RUNDC3B: variants seen among roughly 807,000 people sequenced by gnomAD.
RUNDC3B encodes RUN domain-containing protein 3B.
RUNDC3B carries 33 observed loss-of-function variants against 58.4 expected under a neutral mutation model. The ratio of observed to expected loss-of-function variants is 0.56; its 90% CI spans 0.43 to 0.75. RUNDC3B has a LOEUF of 0.75. RUNDC3B is among the 30% of genes least tolerant of loss of function. RUNDC3B has a pLI of 0.00. For missense variants in RUNDC3B, 501 were observed against 535.7 expected, an observed-to-expected ratio of 0.94 and a Z score of 0.64; for synonymous variants, 193 against 195.2, an observed-to-expected ratio of 0.99 and a Z score of 0.10.
chr7:87,680,719 TG>T (rs1486876878), intron 2 of RUNDC3B, among the ~76,000 whole-genome samples: 1 of 149,756 alleles, frequency 6.7e-6, no homozygotes, highest in Non-Finnish European at 1.5e-5. Context: ...CACTTGAACC[TG>T]GGAGGCGGAG....
intron 2 of RUNDC3B, among the ~76,000 whole-genome samples, chr7:87,660,014 T>C (rs1824525383): frequency 6.6e-6 from 1 of 152,166 alleles, no homozygotes. Context: ...GATTTCGGTT[T>C]GATAACATTT....
intron 4 of RUNDC3B, among the ~76,000 whole-genome samples, chr7:87,714,927 C>T (rs949767816): frequency 3.9e-5 from 6 of 152,002 alleles, no homozygotes; most frequent in South Asian, 4.1e-4. Context: ...AAGCACGTCA[C>T]GCGCTGTTGG....
intron 9 of RUNDC3B, among the ~76,000 whole-genome samples, chr7:87,809,988 A>C (rs760009275): frequency 2.6e-5 from 4 of 152,226 alleles, no homozygotes; most frequent in Admixed American, 1.3e-4. Flanking sequence ...CTTTTTAATA[A>C]GGAACATTAG....
At chr7:87,663,959 C>T (rs1824969647) in intron 2 of RUNDC3B, among the ~76,000 whole-genome samples, 1 of 152,080 alleles carries the variant, frequency 6.6e-6, no homozygotes, top group East Asian at 1.9e-4. Context: ...CCTCATTTCA[C>T]CTTAATTAAC....
chr7:87,700,702 C>T lies in RUNDC3B; in HGVS notation c.372+148C>T, dbSNP rs528361702. On this transcript the variant is annotated intron_variant, in intron 3 of 10. Transcript: ENST00000394654. ...CCTGTTCTGTGATGTTTCTACATTT[C>T]TTGAATTATCTAAACTAGTGGCTCT... The T allele has an allele frequency of 4.0e-4, 267 of 675,468 alleles. 1 individual carries two copies. The highest frequency in any genetic ancestry group is 5.9e-4 in the Non-Finnish European group (248 of 422,090). The allele number at this position is 675,468 out of a possible 1,614,324, so 41.8% of individuals were successfully genotyped here. A position where few individuals can be genotyped will look rare whatever the true frequency, so the allele number is the denominator to read the frequency against.
At position 87,657,921 on chromosome 7, in the gene RUNDC3B, A is replaced by G. The variant is rs1169699880; in HGVS notation, c.238+6984A>G. ...CCCTCCCACCTTCCCCTGTGGGAGCAGTGTCACAAAAAGCTAGTTAAAACA... is the reference window on the plus strand; with the variant it reads ...CCCTCCCACCTTCCCCTGTGGGAGCGGTGTCACAAAAAGCTAGTTAAAACA... On this transcript the variant is annotated intron_variant, in intron 2 of 10. Transcript: ENST00000394654. Among the ~76,000 whole-genome samples, 7 of 152,296 alleles carry G rather than the reference A, an allele frequency of 4.6e-5. No homozygotes were observed. In the East Asian group the frequency reaches 7.7e-4, roughly 17 times the overall value.
At chr7:87,668,681 G>T (rs778765881) in intron 2 of RUNDC3B, among the ~76,000 whole-genome samples, 2 of 151,510 alleles carry the variant, frequency 1.3e-5, no homozygotes, top group East Asian at 3.9e-4. Context: ...TTGTATTTTT[G>T]TTCTCATTAT....
chr7:87,773,967 C>T (rs563852844), intron 7 of RUNDC3B, among the ~76,000 whole-genome samples: 17 of 152,078 alleles, frequency 1.1e-4, no homozygotes, highest in Non-Finnish European at 1.5e-5. Context: ...CATGAGCCAC[C>T]GCACCCGGCC....
chr7:87,694,079 CCTT>C, intron 2 of RUNDC3B: 1 of 1,512,216 alleles, frequency 6.6e-7, no homozygotes. Context: ...TTTTGTAAAG[CCTT>C]CTTTTTTGTG....
chr7:87,632,976 G>A (rs563427961), intron 1 of RUNDC3B, among the ~76,000 whole-genome samples: 3 of 152,300 alleles, frequency 2.0e-5, no homozygotes, highest in African/African-American at 7.2e-5. Flanking sequence ...GGAGTAGTGT[G>A]ATAAGCACGG....
At chr7:87,767,349 C>T (rs2052699236) in intron 6 of RUNDC3B, among the ~76,000 whole-genome samples, 1 of 152,198 alleles carries the variant, frequency 6.6e-6, no homozygotes, top group Non-Finnish European at 1.5e-5. Context: ...TCCTTCTAAT[C>T]TGAGGAAGCT....
chr7:87,657,680 G>A (rs1489701615), intron 2 of RUNDC3B, among the ~76,000 whole-genome samples: 2 of 152,224 alleles, frequency 1.3e-5, no homozygotes, highest in South Asian at 2.1e-4. Context: ...GCCATACTGG[G>A]GTGGGGTCAG....
At chr7:87,711,904 C>T (rs1402454123) in intron 4 of RUNDC3B, among the ~76,000 whole-genome samples, 2 of 152,106 alleles carry the variant, frequency 1.3e-5, no homozygotes, top group African/African-American at 2.4e-5. Context: ...ATAATTACAA[C>T]TATAAACTAG....
rs554348658 is a variant in RUNDC3B at position 87,684,330 on chromosome 7, T to G, written c.239-16091T>G. On this transcript the variant is annotated intron_variant, in intron 2 of 10. Transcript: ENST00000394654. Reference sequence around the variant, plus strand: ...CTTTTTTTGTAGATATAAAACTTACTCTAAAATTTATATGTCTAGGCAAAG... The same window carrying G: ...CTTTTTTTGTAGATATAAAACTTACGCTAAAATTTATATGTCTAGGCAAAG... Among the ~76,000 whole-genome samples, 6 of 152,330 alleles carry G rather than the reference T, an allele frequency of 3.9e-5. No individual in the cohort carries two copies. The East Asian group carries it at 1.2e-3, about 29-fold the overall frequency.
chr7:87,654,184 A>T (rs1262350848), intron 2 of RUNDC3B, among the ~76,000 whole-genome samples: 2 of 152,146 alleles, frequency 1.3e-5, no homozygotes, highest in East Asian at 3.9e-4. Flanking sequence ...GGTTCACTGA[A>T]ATCTCCACCA....
intron 7 of RUNDC3B, 35 bp downstream of exon 7, chr7:87,770,784 T>C (rs1160698287): frequency 3.4e-6 from 5 of 1,466,790 alleles, no homozygotes; most frequent in Admixed American, 3.7e-5. Context: ...CTTAATTTTA[T>C]TCTAGTTATT....
chr7:87,701,013 G>A (rs1251348468), intron 3 of RUNDC3B, among the ~76,000 whole-genome samples: 1 of 152,136 alleles, frequency 6.6e-6, no homozygotes, highest in Non-Finnish European at 1.5e-5. Flanking sequence ...GATGGTGCGG[G>A]AAACATTAAT....
At chr7:87,690,210 CTT>C (rs1310367830) in intron 2 of RUNDC3B, among the ~76,000 whole-genome samples, 6 of 151,920 alleles carry the variant, frequency 3.9e-5, no homozygotes, top group Non-Finnish European at 7.4e-5. Context: ...TTTTATTACT[CTT>C]ATTATCCATA....
chr7:87,746,561 A>G (rs770902062), intron 6 of RUNDC3B, among the ~76,000 whole-genome samples: 29 of 152,344 alleles, frequency 1.9e-4, no homozygotes, highest in Middle Eastern at 3.4e-3. Context: ...TTACTATTGT[A>G]TAATGTACTT....
Sources: gnomAD v4.1 joint callset for allele counts (sites outside exome capture counted in the v4.1 genomes callset) on GRCh38, gnomAD v4.1.1 for gene constraint, MANE v1.5 for transcripts, NCBI Gene and HGNC (gene_info 2026-07-23, HGNC 2026-07-21) for gene names.